The following SPIRE1 variants were observed in gnomAD, a reference collection of about 807,000 sequenced individuals.
The protein encoded by SPIRE1 is spire type actin nucleation factor 1, also known as protein spire homolog 1.
A neutral mutation model predicts 94.1 loss-of-function variants in SPIRE1; 40 were observed. The ratio of observed to expected loss-of-function variants is 0.43; its 90% CI spans 0.33 to 0.55. SPIRE1 has a LOEUF of 0.55. Among genes scored for constraint, SPIRE1 ranks in the 20% least tolerant of loss-of-function variants. The pLI, the probability that SPIRE1 is intolerant of heterozygous loss-of-function variation, is 0.06. For synonymous variants in SPIRE1, 376 were observed against 371.7 expected, an observed-to-expected ratio of 1.01 and a Z score of -0.13; for missense variants, 838 against 975.2, an observed-to-expected ratio of 0.86 and a Z score of 1.87.
chr18:12,496,161 T>G, intron 6 of SPIRE1, 59 bp from the exon 7 acceptor site: 1 of 1,154,164 alleles, frequency 8.7e-7, no homozygotes, highest in Non-Finnish European at 1.3e-6. Flanking sequence ...CATGAATTTC[T>G]GGGTATAGCT....
chr18:12,651,095 T>C (rs565664583), intron 1 of SPIRE1, among the ~76,000 whole-genome samples: 1 of 152,308 alleles, frequency 6.6e-6, no homozygotes, highest in Admixed American at 6.5e-5. Flanking sequence ...CTAGAACTAT[T>C]TGCCCTTACA....
intron 4 of SPIRE1, 24 bp downstream of exon 4, chr18:12,535,438 CAAACAATGCCAATA>C: frequency 6.3e-7 from 1 of 1,577,644 alleles, no homozygotes; most frequent in Non-Finnish European, 8.7e-7. Flanking sequence ...GCATGCCAAT[CAAACAATGCCAATA>C]AATATCAAAG....
At chr18:12,646,453 G>A (rs1007741962) in intron 1 of SPIRE1, among the ~76,000 whole-genome samples, 4 of 152,258 alleles carry the variant, frequency 2.6e-5, no homozygotes, top group African/African-American at 9.6e-5. Flanking sequence ...AGTGCACTTA[G>A]AAGGCACTCA....
intron 2 of SPIRE1, among the ~76,000 whole-genome samples, chr18:12,583,158 A>G (rs751895473): frequency 3.9e-5 from 6 of 152,232 alleles, no homozygotes; most frequent in Non-Finnish European, 8.8e-5. Flanking sequence ...TAGTCCAAAG[A>G]TATCAGAAAT....
chr18:12,465,016 G>T, intron 10 of SPIRE1, 58 bp from the exon 11 acceptor site: 1 of 1,405,374 alleles, frequency 7.1e-7, no homozygotes, highest in Non-Finnish European at 9.9e-7. Context: ...CTAGTGCTAC[G>T]TAATAACATT....
intron 4 of SPIRE1, among the ~76,000 whole-genome samples, chr18:12,522,094 G>A (rs1334461734): frequency 6.6e-6 from 1 of 152,214 alleles, no homozygotes; most frequent in African/African-American, 2.4e-5. Context: ...TGGTGAGGAA[G>A]GATGTCAAAA....
upstream of SPIRE1, among the ~76,000 whole-genome samples, chr18:12,661,029 C>T (rs1458945908): frequency 6.6e-6 from 1 of 152,200 alleles, no homozygotes; most frequent in Non-Finnish European, 1.5e-5. Context: ...ATAAGCTGGC[C>T]AGGCATGGTG....
chr18:12,512,651 A>G, intron 4 of SPIRE1, 120 bp from the exon 5 acceptor site: 1 of 654,208 alleles, frequency 1.5e-6, no homozygotes, highest in Non-Finnish European at 2.6e-6. Context: ...ATGGTACAGA[A>G]TCTATTGCTC....
intron 2 of SPIRE1, among the ~76,000 whole-genome samples, chr18:12,575,942 G>A (rs2036082311): frequency 6.6e-6 from 1 of 152,180 alleles, no homozygotes; most frequent in African/African-American, 2.4e-5. Flanking sequence ...GGTGGCTCAC[G>A]CCTGTAATCC....
At chr18:12,600,294 T>C (rs917399270) in intron 2 of SPIRE1, among the ~76,000 whole-genome samples, 8 of 152,150 alleles carry the variant, frequency 5.3e-5, no homozygotes, top group African/African-American at 1.9e-4. Flanking sequence ...GACTCCTAAC[T>C]AACAAAATCT....
intron 2 of SPIRE1, among the ~76,000 whole-genome samples, chr18:12,572,223 A>T (rs1232378416): frequency 2.0e-5 from 3 of 152,202 alleles, no homozygotes; most frequent in Non-Finnish European, 4.4e-5. Context: ...ACAGGGTCTC[A>T]TACAGGCTAT....
intron 1 of SPIRE1, among the ~76,000 whole-genome samples, chr18:12,635,820 C>CA (rs1339571250): frequency 2.6e-5 from 4 of 151,594 alleles, no homozygotes; most frequent in African/African-American, 9.7e-5. Context: ...ATAGTTTTAA[C>CA]AAAAAGAACG....
At chr18:12,577,104 T>C (rs2036126411) in intron 2 of SPIRE1, among the ~76,000 whole-genome samples, 1 of 152,102 alleles carries the variant, frequency 6.6e-6, no homozygotes, top group African/African-American at 2.4e-5. Context: ...GAAAAAAGAA[T>C]AGCCCAGACC....
intron 2 of SPIRE1, among the ~76,000 whole-genome samples, chr18:12,586,417 T>C (rs1415261220): frequency 3.3e-5 from 5 of 152,356 alleles, no homozygotes; most frequent in South Asian, 4.1e-4. Flanking sequence ...AAACAATGGT[T>C]CTCAAACCAA....
intron 2 of SPIRE1, among the ~76,000 whole-genome samples, chr18:12,590,181 A>G (rs1260395034): frequency 6.6e-6 from 1 of 151,232 alleles, no homozygotes; most frequent in Non-Finnish European, 1.5e-5. Flanking sequence ...TATGCCTCCC[A>G]AGTTCAAGTG....
At chr18:12,544,294 G>A (rs1442896386) in intron 3 of SPIRE1, among the ~76,000 whole-genome samples, 1 of 151,158 alleles carries the variant, frequency 6.6e-6, no homozygotes, top group Non-Finnish European at 1.5e-5. Flanking sequence ...CCACCTCCTA[G>A]GTTCAAGAGA....
intron 2 of SPIRE1, among the ~76,000 whole-genome samples, chr18:12,597,349 G>A (rs1443276158): frequency 6.6e-6 from 1 of 152,076 alleles, no homozygotes; most frequent in African/African-American, 2.4e-5. Context: ...AGCTAGAGGG[G>A]CTCCAGAGCA....
At chr18:12,515,037 G>A (rs1598428297) in intron 4 of SPIRE1, among the ~76,000 whole-genome samples, 2 of 152,040 alleles carry the variant, frequency 1.3e-5, no homozygotes, top group African/African-American at 4.8e-5. Context: ...AATGTGGGGT[G>A]GGGCTGACAC....
chr18:12,599,011 A>G lies in SPIRE1; in HGVS notation c.372+36051T>C, dbSNP rs1201885071. Among the ~76,000 whole-genome samples the G allele has an allele frequency of 2.6e-5, 4 of 152,118 alleles. No homozygotes were observed. In the East Asian group the frequency reaches 7.7e-4, roughly 29 times the overall value. On this transcript the variant is annotated intron_variant, in intron 2 of 16. Transcript: ENST00000409402. Reference sequence around the variant, plus strand: ...TTTATCAATACCAATGTTTTACCCCATTTGCTTTATTCACATTTTCTTTCA... The same window carrying G: ...TTTATCAATACCAATGTTTTACCCCGTTTGCTTTATTCACATTTTCTTTCA...
Sources: gnomAD v4.1 joint callset for allele counts (sites outside exome capture counted in the v4.1 genomes callset) on GRCh38, gnomAD v4.1.1 for gene constraint, MANE v1.5 for transcripts, NCBI Gene and HGNC (gene_info 2026-07-23, HGNC 2026-07-21) for gene names.